The following ADAMTS17 variants were observed in gnomAD, a reference collection of about 807,000 sequenced individuals.
ADAMTS17 encodes ADAM metallopeptidase with thrombospondin type 1 motif 17.
Under a neutral mutation model 141.5 loss-of-function variants are expected in ADAMTS17, and 113 were observed. The observed-to-expected ratio is 0.80, with a 90% CI of 0.69 to 0.93. ADAMTS17 has a LOEUF of 0.93. ADAMTS17 is among the 40% of genes least tolerant of loss of function. The pLI is 0.00. For synonymous variants in ADAMTS17, 768 were observed against 630.6 expected (o/e 1.22, Z -3.27); for missense variants, 1,659 against 1,517.9 (o/e 1.09, Z -1.54).
In ADAMTS17 at chr15:100,262,788, A is replaced by C. The variant is rs142051533; in HGVS notation, c.790-353T>G. 3.1e-4 allele frequency among the ~76,000 whole-genome samples: 47 copies of C among 151,762 alleles called. No individual in the cohort carries two copies. The East Asian group carries it at 7.7e-3, about 25-fold the overall frequency. ...GGTTGTACTCTTCCAGTACTAAAAA[A>C]AAAAAAAAACAAAAAACCTAAAGAA... On this transcript the variant is annotated intron_variant, in intron 4 of 21. Coordinates refer to ENST00000268070, the MANE Select transcript of ADAMTS17 (RefSeq NM_139057.4).
chr15:100,115,788 C>T (rs77280192), intron 13 of ADAMTS17, among the ~76,000 whole-genome samples: 2,192 of 152,192 alleles, frequency 0.014, 26 homozygotes, highest in Non-Finnish European at 0.021. Context: ...AAAATCAGGC[C>T]CAGTTTCCTG....
At chr15:100,188,411 A>C (rs561451871) in intron 8 of ADAMTS17, among the ~76,000 whole-genome samples, 13 of 151,738 alleles carry the variant, frequency 8.6e-5, no homozygotes, top group African/African-American at 2.7e-4. Context: ...AAAAAACAAG[A>C]ACACACACAC....
At chr15:100,257,403 C>T (rs778516516) in intron 6 of ADAMTS17, among the ~76,000 whole-genome samples, 3 of 152,230 alleles carry the variant, frequency 2.0e-5, no homozygotes, top group East Asian at 1.9e-4. Context: ...TTAACATCTG[C>T]GAGGACCCAG....
chr15:100,251,172 G>T (rs2043141479), intron 7 of ADAMTS17, among the ~76,000 whole-genome samples: 1 of 152,192 alleles, frequency 6.6e-6, no homozygotes, highest in South Asian at 2.1e-4. Flanking sequence ...CAGGAGATAG[G>T]CTGGTTCTGC....
Position 100,200,598 on chromosome 15 carries a change from C to T in ADAMTS17, c.1076-1175G>A, listed in dbSNP as rs904013455. 7.9e-5 allele frequency among the ~76,000 whole-genome samples: 12 copies of T among 152,344 alleles called. No homozygotes were observed. In the South Asian group the frequency reaches 1.7e-3, roughly 21 times the overall value. On this transcript the variant is annotated intron_variant, in intron 7 of 21. Coordinates refer to ENST00000268070, the MANE Select transcript of ADAMTS17 (RefSeq NM_139057.4). ...TTCCTCGATATGCCCCTGTGTGACA[C>T]GCAAGCGGATGGTGGCATGGGGTGG...
chr15:100,273,937 C>G (rs1474306866), intron 4 of ADAMTS17, among the ~76,000 whole-genome samples: 5 of 152,068 alleles, frequency 3.3e-5, no homozygotes, highest in African/African-American at 1.2e-4. Flanking sequence ...TTCTTTGACT[C>G]TTTGGTTATT....
chr15:100,113,141 C>T lies in ADAMTS17; in HGVS notation c.1888+3706G>A, dbSNP rs561549833. Among the ~76,000 whole-genome samples, 6 of 152,250 alleles carry T rather than the reference C, an allele frequency of 3.9e-5. No individual in the cohort carries two copies. In the South Asian group the frequency reaches 8.3e-4, roughly 21 times the overall value. On this transcript the variant is annotated intron_variant, in intron 13 of 21. Transcript: ENST00000268070. ...GCGGACAGGCCTCTGCGGATTTTAC[C>T]AGCAGTGAGCACCTGCCCATAGCTG... is the stretch of plus-strand genomic sequence containing the variant.
At chr15:100,048,565 G>A (rs1237393069) in intron 18 of ADAMTS17, among the ~76,000 whole-genome samples, 1 of 147,660 alleles carries the variant, frequency 6.8e-6, no homozygotes, top group Non-Finnish European at 1.5e-5. Context: ...GGAAGCCAAT[G>A]GTTAAAAGTG....
intron 17 of ADAMTS17, among the ~76,000 whole-genome samples, chr15:100,050,356 G>T (rs2032044116): frequency 6.6e-6 from 1 of 152,212 alleles, no homozygotes; most frequent in Admixed American, 6.5e-5. Flanking sequence ...ATCAGAGGTA[G>T]ATGTGTCAGC....
rs918017923 is a variant in ADAMTS17, at chr15:99,993,750, G to A, written c.2797-550C>T. Among the ~76,000 whole-genome samples, 2 of 152,226 alleles carry A rather than the reference G, an allele frequency of 1.3e-5. No homozygotes were observed. Among genetic ancestry groups the A allele is most frequent in the Admixed American group, 6.5e-5 (1 of 15,288 alleles). ...CACAGATGACTTTCTCGTGAGGCAG[G>A]TGGAAAGCCTTTGCAGAGAGCTCCA... On this transcript the variant is annotated intron_variant, in intron 19 of 21. Transcript: ENST00000268070. This position sits in a 1 kb window ranked among gnomAD's most constrained non-coding sequence, Gnocchi z 4.3.
intron 10 of ADAMTS17, 62 bp from the exon 11 acceptor site, chr15:100,133,377 G>C: frequency 6.6e-7 from 1 of 1,504,082 alleles, no homozygotes; most frequent in Non-Finnish European, 9.0e-7. Context: ...GTCACAGCTG[G>C]GGTCAGAGGT....
chr15:100,048,937 C>T lies in ADAMTS17; in HGVS notation c.2511G>A (p.Leu837=). 6 of 1,614,140 alleles carry T rather than the reference C, an allele frequency of 3.7e-6. No individual in the cohort carries two copies. The highest frequency in any genetic ancestry group is 5.1e-6 in the Non-Finnish European group (6 of 1,180,030). The change falls in exon 18 of 22, where the codon CTG becomes CTA. Residue 837 remains leucine (L), a synonymous_variant. Coordinates refer to ENST00000268070, the MANE Select transcript of ADAMTS17 (RefSeq NM_139057.4). ...CTRIVNKTTT[L]VNDSDCPQAS... ...CTTGAGGGCAGTCACTGTCGTTCACCAGAGTTGTGGTCTTGTTGACAATCC... is the reference window on the plus strand; with the variant it reads ...CTTGAGGGCAGTCACTGTCGTTCACTAGAGTTGTGGTCTTGTTGACAATCC...
At chr15:100,215,406 C>T (rs918301355) in intron 7 of ADAMTS17, among the ~76,000 whole-genome samples, 2 of 152,152 alleles carry the variant, frequency 1.3e-5, no homozygotes, top group African/African-American at 4.8e-5. Flanking sequence ...TTGTAACTGT[C>T]CCATTGTCAT....
chr15:100,318,371 G>A (rs2045630734), intron 3 of ADAMTS17, among the ~76,000 whole-genome samples: 1 of 152,014 alleles, frequency 6.6e-6, no homozygotes, highest in Non-Finnish European at 1.5e-5. Context: ...TGATGGTGTT[G>A]GAAGGTGAAG....
At chr15:100,152,524 T>A (rs2039219327) in intron 10 of ADAMTS17, 88 bp downstream of exon 10, 1 of 1,566,606 alleles carries the variant, frequency 6.4e-7, no homozygotes, top group African/African-American at 1.4e-5. Flanking sequence ...TGAGTGTGAA[T>A]GCCCATGTCC....
rs1387614511 is a variant in ADAMTS17 at position 99,993,291 on chromosome 15, T to C, written c.2797-91A>G. 6.5e-7 allele frequency: 1 copy of C among 1,544,084 alleles called. No individual in the cohort carries two copies. Among genetic ancestry groups the C allele is most frequent in the Admixed American group, 1.7e-5 (1 of 59,872 alleles). On this transcript the variant is annotated intron_variant, in intron 19 of 21. Coordinates refer to ENST00000268070, the MANE Select transcript of ADAMTS17 (RefSeq NM_139057.4). The surrounding 1 kb of genome is among the most constrained non-coding windows in gnomAD (Gnocchi z 4.3). ...ACTCCCTCCAATGTGCCAGGTGCGG[T>C]GTGGGGATGATACAAAGATGAAAAC... is the stretch of plus-strand genomic sequence containing the variant.
intron 8 of ADAMTS17, among the ~76,000 whole-genome samples, chr15:100,198,195 C>A (rs572799290): frequency 1.3e-5 from 2 of 151,990 alleles, no homozygotes; most frequent in Non-Finnish European, 2.9e-5. Context: ...ACAGCAAAAA[C>A]AAAACAAAAA....
rs1425348097 is a variant in ADAMTS17, at chr15:99,971,837, A to G, written c.*2565T>C. On this transcript the variant is annotated 3_prime_UTR_variant, in exon 22 of 22. Coordinates refer to ENST00000268070, the MANE Select transcript of ADAMTS17 (RefSeq NM_139057.4). ...AGGTACAGTACTCGAGGGACAGTAC[A>G]GGGTATTAACACAGAAACATCACTG... is the stretch of plus-strand genomic sequence containing the variant. 1 of 152,268 alleles carries G rather than the reference A, an allele frequency of 6.6e-6. No individual in the cohort carries two copies. The highest frequency in any genetic ancestry group is 2.4e-5 in the African/African-American group (1 of 41,468). The allele number at this position is 152,268 out of a possible 1,614,324, so 9.4% of individuals were successfully genotyped here.
intron 3 of ADAMTS17, among the ~76,000 whole-genome samples, chr15:100,281,755 C>T (rs1424287423): frequency 2.6e-5 from 4 of 152,064 alleles, no homozygotes; most frequent in South Asian, 4.1e-4. Flanking sequence ...CTGGACCCAG[C>T]GGGCAGGGGT....
Sources: gnomAD v4.1 joint callset for allele counts (sites outside exome capture counted in the v4.1 genomes callset) on GRCh38, gnomAD v4.1.1 for gene constraint, Gnocchi (gnomAD v3.1) non-coding constraint, MANE v1.5 for transcripts, NCBI Gene and HGNC (gene_info 2026-07-23, HGNC 2026-07-21) for gene names.